The following CNTN5 variants were observed in gnomAD, a reference collection of about 807,000 sequenced individuals.
CNTN5 encodes the protein contactin-5.
CNTN5 carries 77 observed loss-of-function variants against 129.1 expected under a neutral mutation model. That is an observed-to-expected ratio of 0.60 (90% CI 0.50 to 0.72). CNTN5 has a LOEUF of 0.72. Among genes scored for constraint, CNTN5 ranks in the 30% least tolerant of loss-of-function variants. The pLI, the probability that CNTN5 is intolerant of heterozygous loss-of-function variation, is 0.00. For missense variants in CNTN5, 1,478 were observed against 1,328.8 expected, an observed-to-expected ratio of 1.11 and a Z score of -1.75; for synonymous variants, 509 against 465.6, an observed-to-expected ratio of 1.09 and a Z score of -1.20.
At chr11:100,272,852 G>A (rs73563751) in intron 18 of CNTN5, among the ~76,000 whole-genome samples, 2,361 of 152,214 alleles carry the variant, frequency 0.016, 63 homozygotes, top group African/African-American at 0.054. Flanking sequence ...AGACCACCAC[G>A]GACTCTGGAC....
chr11:99,984,143 G>A (rs1461146839), intron 8 of CNTN5, among the ~76,000 whole-genome samples: 1 of 152,042 alleles, frequency 6.6e-6, no homozygotes, highest in African/African-American at 2.4e-5. Context: ...TGGGCATGGT[G>A]GTACATGCCT....
intron 21 of CNTN5, among the ~76,000 whole-genome samples, chr11:100,322,776 C>T (rs1386821328): frequency 6.6e-6 from 1 of 151,922 alleles, no homozygotes; most frequent in Non-Finnish European, 1.5e-5. Flanking sequence ...AGATTTTTCT[C>T]TGTTTTACTA....
intron 7 of CNTN5, among the ~76,000 whole-genome samples, chr11:99,927,255 A>C (rs1267066544): frequency 6.6e-6 from 1 of 152,168 alleles, no homozygotes; most frequent in Non-Finnish European, 1.5e-5. Flanking sequence ...TTACCACCAC[A>C]TTGCAAATGG....
chr11:99,825,999 C>A (rs1591264045), intron 4 of CNTN5, among the ~76,000 whole-genome samples: 1 of 152,210 alleles, frequency 6.6e-6, no homozygotes, highest in East Asian at 1.9e-4. Flanking sequence ...TTCATTTCTA[C>A]ACTTTTTTGT....
intron 3 of CNTN5, among the ~76,000 whole-genome samples, chr11:99,624,053 G>A (rs1951046641): frequency 6.6e-6 from 1 of 152,080 alleles, no homozygotes; most frequent in Admixed American, 6.6e-5. Context: ...AGTTAACAGG[G>A]AAATTTGATG....
chr11:100,040,758 C>T (rs1435022955), intron 9 of CNTN5, among the ~76,000 whole-genome samples: 2 of 152,192 alleles, frequency 1.3e-5, no homozygotes, highest in African/African-American at 2.4e-5. Context: ...ACTCTGTGGG[C>T]GTAGGACCCT....
At chr11:99,266,817 A>G (rs1016401856) in intron 1 of CNTN5, among the ~76,000 whole-genome samples, 1 of 152,040 alleles carries the variant, frequency 6.6e-6, no homozygotes, top group Non-Finnish European at 1.5e-5. Context: ...GTACTTTGCC[A>G]GAAAGGATGA....
chr11:99,907,071 G>T (rs1949528444), intron 6 of CNTN5, among the ~76,000 whole-genome samples: 1 of 151,854 alleles, frequency 6.6e-6, no homozygotes, highest in South Asian at 2.1e-4. Context: ...CAAAAAAACA[G>T]CTCCTAGATT....
chr11:99,260,805 G>T (rs1490832289), intron 1 of CNTN5, among the ~76,000 whole-genome samples: 3 of 151,904 alleles, frequency 2.0e-5, no homozygotes, highest in Non-Finnish European at 2.9e-5. Context: ...AGATAAAGCT[G>T]ATCTCATGGT....
intron 1 of CNTN5, among the ~76,000 whole-genome samples, chr11:99,021,618 TA>T (rs1254140615): frequency 2.6e-5 from 4 of 152,134 alleles, no homozygotes; most frequent in African/African-American, 9.7e-5. Flanking sequence ...CAAAAGAAAC[TA>T]AATGTTTGGA....
intron 2 of CNTN5, among the ~76,000 whole-genome samples, chr11:99,331,743 G>A (rs537053123): frequency 6.6e-6 from 1 of 152,230 alleles, no homozygotes; most frequent in East Asian, 1.9e-4. Flanking sequence ...CACATTCAGT[G>A]TCTGACTTTC....
intron 2 of CNTN5, among the ~76,000 whole-genome samples, chr11:99,546,262 T>G (rs987948027): frequency 1.3e-5 from 2 of 152,174 alleles, no homozygotes; most frequent in Non-Finnish European, 2.9e-5. Context: ...AGGTGGCCAT[T>G]CTGATGGGCT....
intron 2 of CNTN5, among the ~76,000 whole-genome samples, chr11:99,492,034 A>G (rs10893407): frequency 0.26 from 39,894 of 151,994 alleles, 5,667 homozygotes; most frequent in East Asian, 0.43. Context: ...CATTTTTAGT[A>G]TCTGTTGTTG....
chr11:100,323,347 A>G (rs1029408436), intron 21 of CNTN5, among the ~76,000 whole-genome samples: 2 of 152,124 alleles, frequency 1.3e-5, no homozygotes, highest in African/African-American at 4.8e-5. Context: ...TTCCTTTGCT[A>G]CTCCAACTGA....
chr11:99,734,812 A>T (rs1943647716), intron 3 of CNTN5, among the ~76,000 whole-genome samples: 1 of 152,052 alleles, frequency 6.6e-6, no homozygotes, highest in African/African-American at 2.4e-5. Context: ...TCTCTTTAAA[A>T]GTTGGGTAAC....
At chr11:99,220,617 C>A (rs1860351160) in intron 1 of CNTN5, among the ~76,000 whole-genome samples, 1 of 151,860 alleles carries the variant, frequency 6.6e-6, no homozygotes, top group Non-Finnish European at 1.5e-5. Flanking sequence ...AAATCCATTA[C>A]TTTTACTTGC....
At chr11:99,488,070 T>A (rs1945885351) in intron 2 of CNTN5, among the ~76,000 whole-genome samples, 1 of 152,032 alleles carries the variant, frequency 6.6e-6, no homozygotes, top group African/African-American at 2.4e-5. Flanking sequence ...GAGGGATTAA[T>A]CAAATGAAAG....
chr11:100,033,734 G>A (rs887361534), intron 9 of CNTN5, among the ~76,000 whole-genome samples: 1 of 152,154 alleles, frequency 6.6e-6, no homozygotes, highest in African/African-American at 2.4e-5. Context: ...CACTATAATT[G>A]TATTTTCCCT....
At chr11:99,191,345 G>C (rs1208919226) in intron 1 of CNTN5, among the ~76,000 whole-genome samples, 1 of 151,634 alleles carries the variant, frequency 6.6e-6, no homozygotes, top group Admixed American at 6.6e-5. Flanking sequence ...TGATGACCTG[G>C]TAAAATGAGT....
Sources: gnomAD v4.1 joint callset for allele counts (sites outside exome capture counted in the v4.1 genomes callset) on GRCh38, gnomAD v4.1.1 for gene constraint, MANE v1.5 for transcripts, NCBI Gene and HGNC (gene_info 2026-07-23, HGNC 2026-07-21) for gene names.